HEPHL1: variants seen among roughly 807,000 people sequenced by gnomAD.
HEPHL1 encodes hephaestin like 1.
HEPHL1 carries 123 observed loss-of-function variants against 122.0 expected under a neutral mutation model. The ratio of observed to expected loss-of-function variants is 1.01; its 90% CI spans 0.87 to 1.17. The LOEUF is 1.17. Among genes scored for constraint, HEPHL1 ranks in the 50% most tolerant of loss-of-function variants. HEPHL1 has a pLI of 0.00. For missense variants in HEPHL1, 1,452 were observed against 1,430.5 expected (o/e 1.01, Z -0.24); for synonymous variants, 527 against 508.9 (o/e 1.04, Z -0.48).
At chr11:94,057,928 AT>A (rs1327288021) in intron 2 of HEPHL1, among the ~76,000 whole-genome samples, 1 of 127,344 alleles carries the variant, frequency 7.9e-6, no homozygotes, top group East Asian at 2.9e-4. Context: ...ACTCTAGGTT[AT>A]TTTTTTTGCT....
intron 1 of HEPHL1, among the ~76,000 whole-genome samples, chr11:94,034,513 C>T (rs181492209): frequency 6.6e-6 from 1 of 152,120 alleles, no homozygotes; most frequent in Non-Finnish European, 1.5e-5. Flanking sequence ...AGTGTTTTTC[C>T]CAACCTTAAT....
At chr11:94,106,944 C>A (rs186828440) in intron 17 of HEPHL1, among the ~76,000 whole-genome samples, 87 of 152,326 alleles carry the variant, frequency 5.7e-4, no homozygotes, top group Middle Eastern at 3.4e-3. Flanking sequence ...TTTCTACCCT[C>A]TAGCATCAAG....
chr11:94,056,709 A>ATCT (rs1945940625), intron 2 of HEPHL1, among the ~76,000 whole-genome samples: 1 of 144,626 alleles, frequency 6.9e-6, no homozygotes. Flanking sequence ...ATCTATCTAT[A>ATCT]ATGCCCTTCT....
rs776147149 is a variant in HEPHL1, at chr11:94,064,518, C to T, written c.808+8C>T. ...GGAGTAACAAAATGCATGGTGAGTACCTCCCATGTTCCCAAACGTATACCA... is the reference window on the plus strand; with the variant it reads ...GGAGTAACAAAATGCATGGTGAGTATCTCCCATGTTCCCAAACGTATACCA... On this transcript the variant is annotated splice_region_variant and intron_variant, in intron 4 of 19. Transcript: ENST00000315765. 2 of 1,601,602 alleles carry T rather than the reference C, an allele frequency of 1.2e-6. No homozygotes were observed. Among genetic ancestry groups the T allele is most frequent in the South Asian group, 2.2e-5 (2 of 90,134 alleles).
intron 9 of HEPHL1, among the ~76,000 whole-genome samples, chr11:94,079,438 TA>T (rs1419243832): frequency 6.6e-6 from 1 of 152,232 alleles, no homozygotes; most frequent in Non-Finnish European, 1.5e-5. Context: ...CAAGCTTTTA[TA>T]CCACTGCCTT....
rs576807847 is a variant in HEPHL1, at chr11:94,033,258, G to A, written c.170+11720G>A. On this transcript the variant is annotated intron_variant, in intron 1 of 19. Coordinates refer to ENST00000315765, the MANE Select transcript of HEPHL1 (RefSeq NM_001098672.2). Reference sequence around the variant, plus strand: ...GTTGAATTGAATTCTTTCTTCTGAGGAGGCAGGGATTGAGGTTGCTGCAGG... The same window carrying A: ...GTTGAATTGAATTCTTTCTTCTGAGAAGGCAGGGATTGAGGTTGCTGCAGG... 6.6e-5 allele frequency among the ~76,000 whole-genome samples: 10 copies of A among 152,234 alleles called. No individual in the cohort carries two copies. In the South Asian group the frequency reaches 1.5e-3, roughly 22 times the overall value.
intron 11 of HEPHL1, among the ~76,000 whole-genome samples, chr11:94,086,644 C>T (rs937239811): frequency 4.6e-5 from 7 of 152,150 alleles, no homozygotes; most frequent in African/African-American, 1.7e-4. Context: ...TGATAACAGC[C>T]TTTTGATTGG....
At chr11:94,096,342 G>T (rs1281157512) in intron 13 of HEPHL1, among the ~76,000 whole-genome samples, 1 of 152,158 alleles carries the variant, frequency 6.6e-6, no homozygotes, top group Non-Finnish European at 1.5e-5. Flanking sequence ...GCATTATGTT[G>T]AACCAGTCTT....
intron 11 of HEPHL1, 66 bp from the exon 12 acceptor site, chr11:94,088,688 TA>T: frequency 5.6e-6 from 7 of 1,257,154 alleles, no homozygotes; most frequent in Non-Finnish European, 7.8e-6. Flanking sequence ...GCAGGTTTGC[TA>T]AAAACAGACC....
intron 13 of HEPHL1, 72 bp downstream of exon 13, chr11:94,093,712 T>A: frequency 6.6e-7 from 1 of 1,506,296 alleles, no homozygotes; most frequent in South Asian, 1.3e-5. Flanking sequence ...TGTGTTCTGT[T>A]ACACTTGTGG....
At chr11:94,105,892 A>G (rs1303906520) in intron 16 of HEPHL1, 99 bp from the exon 17 acceptor site, 1 of 770,086 alleles carries the variant, frequency 1.3e-6, no homozygotes, top group African/African-American at 1.7e-5. Context: ...TTTACTAGAC[A>G]GATGAAAATA....
intron 13 of HEPHL1, among the ~76,000 whole-genome samples, chr11:94,094,013 T>TATATATATATATATAA (rs1485344204): frequency 4.9e-5 from 6 of 121,684 alleles, no homozygotes; most frequent in African/African-American, 7.6e-5. Flanking sequence ...TATATATATA[T>TATATATATATATATAA]AAAACTTTAA....
chr11:94,043,901 G>A (rs1200818380), intron 1 of HEPHL1, among the ~76,000 whole-genome samples: 1 of 151,792 alleles, frequency 6.6e-6, no homozygotes, highest in Non-Finnish European at 1.5e-5. Flanking sequence ...CATATCCCTG[G>A]TACTGATGGC....
In HEPHL1 at chr11:94,057,446, TTTC is replaced by T. The variant is rs1945947597; in HGVS notation, c.416-6057_416-6055del. On this transcript the variant is annotated intron_variant, in intron 2 of 19. Transcript: ENST00000315765. ...CACTGGTCTCTGAGGTTCTGTCCAT[TTTC>T]TTCTATTTCCCCCACCTCTCTTTTT... is the stretch of plus-strand genomic sequence containing the variant. Among the ~76,000 whole-genome samples the T allele has an allele frequency of 2.0e-5, 3 of 152,132 alleles. No homozygotes were observed. In the South Asian group the frequency reaches 6.2e-4, roughly 31 times the overall value.
At chr11:94,032,329 T>C (rs1945682661) in intron 1 of HEPHL1, among the ~76,000 whole-genome samples, 1 of 152,174 alleles carries the variant, frequency 6.6e-6, no homozygotes, top group Non-Finnish European at 1.5e-5. Context: ...AGAGGCTTTG[T>C]TGCTGGTGGG....
At chr11:94,047,891 A>G (rs1945854589) in intron 2 of HEPHL1, among the ~76,000 whole-genome samples, 1 of 152,188 alleles carries the variant, frequency 6.6e-6, no homozygotes, top group African/African-American at 2.4e-5. Context: ...AAAATTTACC[A>G]TTTTAACCAT....
At chr11:94,065,318 G>A (rs1946024546) in intron 4 of HEPHL1, among the ~76,000 whole-genome samples, 1 of 152,164 alleles carries the variant, frequency 6.6e-6, no homozygotes, top group Admixed American at 6.6e-5. Context: ...GGAATAGAAG[G>A]AGCTGAAGAT....
At chr11:94,064,235 T>C (rs757605665) in intron 3 of HEPHL1, 96 bp from the exon 4 acceptor site, 71 of 866,786 alleles carry the variant, frequency 8.2e-5, no homozygotes, top group Non-Finnish European at 1.2e-4. Context: ...GGTATAGGTC[T>C]TCACCAAACT....
chr11:94,081,097 T>C (rs180874191), intron 9 of HEPHL1, among the ~76,000 whole-genome samples: 30 of 152,318 alleles, frequency 2.0e-4, no homozygotes, highest in South Asian at 1.0e-3. Context: ...ACGTACACCA[T>C]GGAATATCAT....
Sources: allele counts gnomAD v4.1 joint callset (sites outside exome capture counted in the v4.1 genomes callset), GRCh38; gene constraint gnomAD v4.1.1; transcripts MANE v1.5; gene names NCBI Gene and HGNC (gene_info 2026-07-23, HGNC 2026-07-21).